Variants in SLC22A25 observed in about 807,000 individuals in gnomAD.
The protein encoded by SLC22A25 is MGI:2442751, MGI:2385316, MGI:3042283, MGI:3645714, MGI:3605624, MGI:2442750.
In SLC22A25, 44 loss-of-function variants were observed where a neutral mutation model predicts 45.9. The observed-to-expected ratio is 0.96, with a 90% confidence interval of 0.75 to 1.23. SLC22A25 has a LOEUF of 1.23. Ranked by LOEUF, SLC22A25 falls within the 50% of genes most tolerant of loss-of-function variation. SLC22A25 has a pLI of 0.00. For missense variants in SLC22A25, 800 were observed against 666.4 expected (o/e 1.20, Z -2.21); for synonymous variants, 283 against 238.6 (o/e 1.19, Z -1.72).
chr11:63,234,585 T>C lies in SLC22A25; in HGVS notation c.-445+3296A>G, dbSNP rs550119258. ...CAGCACACTGATGGGTCTTGACTCT[T>C]TATCCAATTTGCCAGTCTGTGCCTT... On this transcript the variant is annotated intron_variant, in intron 3 of 11. Coordinates refer to ENST00000306494, the MANE Select transcript of SLC22A25 (RefSeq NM_199352.6). Among the ~76,000 whole-genome samples, 3 of 152,326 alleles carry C rather than the reference T, an allele frequency of 2.0e-5. No homozygotes were observed. In the South Asian group the frequency reaches 6.2e-4, roughly 32 times the overall value.
rs1178871512 is a variant in SLC22A25, at chr11:63,166,211, T to A, written c.1118A>T (p.His373Leu). The A allele has an allele frequency of 6.8e-6, 11 of 1,613,984 alleles. No individual in the cohort carries two copies. The highest frequency in any genetic ancestry group is 9.3e-6 in the Non-Finnish European group (11 of 1,179,924). Reference sequence around the variant, plus strand: ...CAACAGGAAAACATTGTTTCCCAGATGCTGGAGGTGCAAAGTAAGGCCCCA... The same window carrying A: ...CAACAGGAAAACATTGTTTCCCAGAAGCTGGAGGTGCAAAGTAAGGCCCCA... ...PFWGLTLHLQ[H>L]LGNNVFLLQT... The change falls in exon 10 of 12, where the codon CAT (histidine) becomes CTT (leucine). Residue 373 changes from histidine to leucine, a missense_variant. Coordinates refer to ENST00000306494, the MANE Select transcript of SLC22A25 (RefSeq NM_199352.6).
At chr11:63,212,804 T>TA (rs200780459) in intron 7 of SLC22A25, among the ~76,000 whole-genome samples, 52,709 of 148,392 alleles carry the variant, frequency 0.36, 9,450 homozygotes, top group East Asian at 0.56. Flanking sequence ...AAGTATAATT[T>TA]AAAAAAAAAA....
chr11:63,207,012 C>G (rs1565102584), intron 7 of SLC22A25, among the ~76,000 whole-genome samples: 3 of 152,018 alleles, frequency 2.0e-5, no homozygotes, highest in African/African-American at 7.2e-5. Context: ...ATAAACCTGA[C>G]AAAAACAAGC....
At chr11:63,200,979 T>C (rs7105157) in intron 7 of SLC22A25, among the ~76,000 whole-genome samples, 19,294 of 152,086 alleles carry the variant, frequency 0.13, 2,293 homozygotes, top group African/African-American at 0.32. Flanking sequence ...CAAGGAGAAC[T>C]ACAAACCACT....
Position 63,219,901 on chromosome 11 carries a change from T to G in SLC22A25, c.507-2166A>C. 3.9e-6 allele frequency: 5 copies of G among 1,286,636 alleles called. No homozygotes were observed. In the South Asian group the frequency reaches 6.2e-5, roughly 16 times the overall value. 79.7% of individuals were successfully genotyped at this position (1,286,636 alleles called of 1,614,324 possible). The stretch of plus-strand genomic sequence containing the variant: ...CAACTCTTTTAAGTGTTACTTTTAC[T>G]GTCATACATTCAGGGTTTCAGGAGA... On this transcript the variant is annotated intron_variant, in intron 5 of 11. Coordinates refer to ENST00000306494, the MANE Select transcript of SLC22A25 (RefSeq NM_199352.6).
intron 7 of SLC22A25, among the ~76,000 whole-genome samples, chr11:63,204,978 A>G (rs978916614): frequency 1.3e-5 from 2 of 152,240 alleles, no homozygotes; most frequent in Non-Finnish European, 2.9e-5. Context: ...ACCACAGTGC[A>G]ATCAAATTAG....
At chr11:63,209,981 A>G (rs1415125643) in intron 7 of SLC22A25, among the ~76,000 whole-genome samples, 1 of 152,154 alleles carries the variant, frequency 6.6e-6, no homozygotes, top group Non-Finnish European at 1.5e-5. Context: ...ATAGAAAGGC[A>G]CTCCCAAATG....
intron 7 of SLC22A25, among the ~76,000 whole-genome samples, chr11:63,216,315 G>T (rs2089709634): frequency 6.6e-6 from 1 of 152,146 alleles, no homozygotes; most frequent in African/African-American, 2.4e-5. Flanking sequence ...ACAGTGTGGT[G>T]ATTCCTCAAA....
In SLC22A25 at chr11:63,163,645, A is replaced by G; in HGVS notation, c.*179T>C. The stretch of plus-strand genomic sequence containing the variant: ...TTTTCACCACAAATTAACCTCCTGG[A>G]CAGGCTGGGCAGAGATGGTCTGTGT... On this transcript the variant is annotated 3_prime_UTR_variant, in exon 12 of 12. Transcript: ENST00000306494. The G allele has an allele frequency of 1.1e-6, 1 of 902,276 alleles. No homozygotes were observed. The allele number at this position is 902,276 out of a possible 1,614,324, so 55.9% of individuals were successfully genotyped here.
At chr11:63,212,191 GA>G (rs1254318652) in intron 7 of SLC22A25, among the ~76,000 whole-genome samples, 1 of 149,110 alleles carries the variant, frequency 6.7e-6, no homozygotes, top group South Asian at 2.2e-4. Flanking sequence ...AGGATGTGGA[GA>G]AATAGGAACA....
chr11:63,166,242 G>T lies in SLC22A25; in HGVS notation c.1087C>A (p.Pro363Thr), dbSNP rs764167656. ...LSFVRFASTIPFWGLTLHLQH... is the reference protein window; with the variant it reads ...LSFVRFASTITFWGLTLHLQH... ...AGGTGCAAAGTAAGGCCCCAAAAAG[G>T]GATGGTACTTGCAAATCTGCAGGGA... Residue 363 changes from proline (P) to threonine (T), a missense_variant, in exon 10 of 12, where the codon CCT becomes ACT. Physicochemically the swap from Pro to Thr is conservative, Grantham distance 38. Transcript: ENST00000306494. The T allele has an allele frequency of 6.2e-7, 1 of 1,613,780 alleles. No homozygotes were observed. The highest frequency in any genetic ancestry group is 1.3e-5 in the African/African-American group (1 of 74,908).
In SLC22A25 at chr11:63,163,853, C is replaced by G; in HGVS notation, c.1615G>C (p.Ala539Pro). 6.2e-7 allele frequency: 1 copy of G among 1,613,702 alleles called. No homozygotes were observed. ...AGCACAGAGCTCCTCTGAGGGGCAG[C>G]TAGGCTATTTACTCCCTCATTTTCC... Reference protein sequence around the residue: ...DVENEGVNSLAAPQRSSVL With the variant: ...DVENEGVNSLPAPQRSSVL Residue 539 changes from alanine to proline, a missense_variant, in exon 12 of 12, where the codon GCT becomes CCT. Physicochemically the swap from Ala to Pro is conservative, Grantham distance 27. Coordinates refer to ENST00000306494, the MANE Select transcript of SLC22A25 (RefSeq NM_199352.6).
chr11:63,204,101 C>G (rs2089326997), intron 7 of SLC22A25, among the ~76,000 whole-genome samples: 1 of 152,158 alleles, frequency 6.6e-6, no homozygotes, highest in Admixed American at 6.5e-5. Flanking sequence ...TGCAGACAAG[C>G]AAATGCTAAG....
chr11:63,223,604 TC>T (rs142733256), intron 5 of SLC22A25, among the ~76,000 whole-genome samples: 2,486 of 152,148 alleles, frequency 0.016, 66 homozygotes, highest in African/African-American at 0.057. Context: ...ATTCTTTTTT[TC>T]ATTTCAAATT....
At chr11:63,179,750 T>G (rs1240026338) in intron 9 of SLC22A25, among the ~76,000 whole-genome samples, 1 of 152,176 alleles carries the variant, frequency 6.6e-6, no homozygotes, top group Non-Finnish European at 1.5e-5. Context: ...CTCCTTTCCC[T>G]CCTGAGGGAG....
chr11:63,210,490 G>C (rs958100922), intron 7 of SLC22A25, among the ~76,000 whole-genome samples: 6 of 152,126 alleles, frequency 3.9e-5, no homozygotes, highest in Non-Finnish European at 7.4e-5. Flanking sequence ...GGAAAGATGA[G>C]TGCCCCGAAA....
rs374740903 is a variant in SLC22A25, at chr11:63,162,369, A to G, written c.*1455T>C. On this transcript the variant is annotated 3_prime_UTR_variant, in exon 12 of 12. Transcript: ENST00000306494. ...TCTAATGTACTGGAAAATTTCTCCA[A>G]TGTTTTCTTGTAGCAGTTTCATAGT... is the stretch of plus-strand genomic sequence containing the variant. Among the ~76,000 whole-genome samples the G allele has an allele frequency of 2.6e-4, 40 of 152,188 alleles. No individual in the cohort carries two copies. The highest frequency in any genetic ancestry group is 9.2e-4 in the African/African-American group (38 of 41,520).
At chr11:63,230,996 C>A (rs2090057781) in intron 3 of SLC22A25, among the ~76,000 whole-genome samples, 1 of 152,160 alleles carries the variant, frequency 6.6e-6, no homozygotes, top group South Asian at 2.1e-4. Context: ...TTTTTTATGG[C>A]TGTATAGTAT....
At chr11:63,230,642 A>G (rs1360301559) in intron 3 of SLC22A25, among the ~76,000 whole-genome samples, 1 of 152,100 alleles carries the variant, frequency 6.6e-6, no homozygotes, top group Non-Finnish European at 1.5e-5. Context: ...CCCTTTTAAA[A>G]AAAATTTATT....
Sources: gnomAD v4.1 joint callset for allele counts (sites outside exome capture counted in the v4.1 genomes callset) on GRCh38, gnomAD v4.1.1 for gene constraint, MANE v1.5 for transcripts, NCBI Gene and HGNC (gene_info 2026-07-23, HGNC 2026-07-21) for gene names.